CEP72: variants seen among roughly 807,000 people sequenced by gnomAD.
CEP72 encodes the protein centrosomal protein of 72 kDa.
In CEP72, 78 loss-of-function variants were observed where a neutral mutation model predicts 65.7. The ratio of observed to expected loss-of-function variants is 1.19; its 90% CI spans 0.99 to 1.43. CEP72 has a LOEUF of 1.43. Among genes scored for constraint, CEP72 ranks in the 40% most tolerant of loss-of-function variants. The probability of loss-of-function intolerance (pLI) is 0.00; values close to 1 mark genes in which losing one functional copy is unlikely to be tolerated. For missense variants in CEP72, 914 were observed against 832.9 expected (o/e 1.10, Z -1.20); for synonymous variants, 358 against 351.7 (o/e 1.02, Z -0.20).
rs373906217 is a variant in CEP72 at position 620,253 on chromosome 5, A to G, written c.395A>G (p.Gln132Arg). 1 of 1,613,184 alleles carries G rather than the reference A, an allele frequency of 6.2e-7. No individual in the cohort carries two copies. The highest frequency in any genetic ancestry group is 8.5e-7 in the Non-Finnish European group (1 of 1,179,160). ...LFVVHLLPKL[Q>R]QLDDRPVRAS... ...GTTGTGCACCTGCTCCCCAAGCTCC[A>G]GCAGCTGGGTAGGCATCAGGCAGGG... The change falls in exon 3 of 12, where the codon CAG becomes CGG. Residue 132 changes from glutamine (Q) to arginine (R), a missense_variant. Physicochemically the swap from Gln to Arg is conservative, Grantham distance 43. Transcript: ENST00000264935.
At chr5:665,171 G>C (rs138152607) in intron 2 of CEP72, 2 of 1,613,654 alleles carry the variant, frequency 1.2e-6, no homozygotes, top group Non-Finnish European at 1.7e-6. Flanking sequence ...AGCCTGACTC[G>C]TCCACCAGAT....
At chr5:638,488 G>A (rs1737772696) in intron 7 of CEP72, among the ~76,000 whole-genome samples, 1 of 152,002 alleles carries the variant, frequency 6.6e-6, no homozygotes. Context: ...AGGCAGAGGA[G>A]CTTGAAGGTG....
intron 1 of CEP72, among the ~76,000 whole-genome samples, chr5:618,193 A>G (rs975074332): frequency 9.2e-5 from 14 of 152,142 alleles, no homozygotes; most frequent in Admixed American, 5.9e-4. Flanking sequence ...GAGGCAGTAA[A>G]GGTGGGAAGA....
intron 9 of CEP72, chr5:643,040 T>C (rs1422038867): frequency 1.0e-6 from 1 of 985,418 alleles, no homozygotes; most frequent in Non-Finnish European, 1.2e-6. Flanking sequence ...CCTGCACCTG[T>C]CGTGGCCTAG....
At chr5:617,010 A>T (rs1218527655) in intron 1 of CEP72, among the ~76,000 whole-genome samples, 1 of 152,038 alleles carries the variant, frequency 6.6e-6, no homozygotes, top group African/African-American at 2.4e-5. Context: ...GTGTGGTTGC[A>T]GGAGGGCTGA....
intron 3 of CEP72, among the ~76,000 whole-genome samples, chr5:621,121 T>C (rs1184432777): frequency 1.3e-5 from 2 of 152,120 alleles, no homozygotes; most frequent in Non-Finnish European, 2.9e-5. Flanking sequence ...TGAGTTAATA[T>C]CTGTAAGCTC....
At position 633,845 on chromosome 5, in the gene CEP72, G is replaced by T. The variant is rs1478031706; in HGVS notation, c.589G>T (p.Val197Phe). Residue 197 changes from valine (V) to phenylalanine (F), a missense_variant, in exon 5 of 12, where the codon GTC becomes TTC. Coordinates refer to ENST00000264935, the MANE Select transcript of CEP72 (RefSeq NM_018140.4). ...SLVMDADDEA[V>F]LNLIAECEWD... ...GGTCATGGATGCGGATGACGAGGCA[G>T]TCCTGAACCTCATTGCAGAGTGCGA... 1 of 1,614,050 alleles carries T rather than the reference G, an allele frequency of 6.2e-7. No individual in the cohort carries two copies.
chr5:668,872 C>G (rs534865830), downstream of CEP72, among the ~76,000 whole-genome samples: 63 of 152,366 alleles, frequency 4.1e-4, no homozygotes, highest in African/African-American at 1.5e-3. Flanking sequence ...GATACGCACC[C>G]AACGCGGTGG....
chr5:628,627 GGGAGTGGCCCCAGGACCCAGCCCCC>G lies in CEP72; in HGVS notation c.512+4049_512+4073del, dbSNP rs1285863750. Among the ~76,000 whole-genome samples the G allele has an allele frequency of 7.4e-5, 9 of 121,718 alleles. 1 individual carries two copies. Among genetic ancestry groups the G allele is most frequent in the African/African-American group, 1.3e-4 (5 of 37,428 alleles). The allele number at this position is 121,718 out of a possible 152,430, so 79.9% of individuals were successfully genotyped here. A position where few individuals can be genotyped will look rare whatever the true frequency, so the allele number is the denominator to read the frequency against. The stretch of plus-strand genomic sequence containing the variant: ...TGGAGAACTCAGGTCGCAGTCCCCG[GGGAGTGGCCCCAGGACCCAGCCCCC>G]TTCTTTGTGCAGCTTCTGGAGAACT... On this transcript the variant is annotated intron_variant, in intron 4 of 11. Coordinates refer to ENST00000264935, the MANE Select transcript of CEP72 (RefSeq NM_018140.4).
chr5:614,344 C>A (rs1390542580), intron 1 of CEP72, among the ~76,000 whole-genome samples: 2 of 151,922 alleles, frequency 1.3e-5, no homozygotes, highest in Admixed American at 6.6e-5. Context: ...GTAAGCACTG[C>A]TTTAGCTGTA....
Position 640,453 on chromosome 5 carries a change from C to T in CEP72, c.1388C>T (p.Ala463Val), listed in dbSNP as rs1261370139. 1 of 1,614,138 alleles carries T rather than the reference C, an allele frequency of 6.2e-7. No homozygotes were observed. Among genetic ancestry groups the T allele is most frequent in the East Asian group, 2.2e-5 (1 of 44,902 alleles). Residue 463 changes from alanine (A) to valine (V), a missense_variant, in exon 9 of 12, where the codon GCT becomes GTT. Coordinates refer to ENST00000264935, the MANE Select transcript of CEP72 (RefSeq NM_018140.4). The stretch of plus-strand genomic sequence containing the variant: ...TCATCTGTTGAAGAATTCACAGCAG[C>T]TCAGGACAGCTCTGCGATGGTGGGT... ...ILSSVEEFTA[A>V]QDSSAMVGED...
chr5:656,757 AT>A (rs1739390008), downstream of CEP72, among the ~76,000 whole-genome samples: 1 of 151,422 alleles, frequency 6.6e-6, no homozygotes, highest in East Asian at 1.9e-4. Flanking sequence ...TTATGTTTTT[AT>A]TTTTGTTTTG....
chr5:665,948 C>A (rs1203744628), exon 4 of CEP72: 1 of 1,519,946 alleles, frequency 6.6e-7, no homozygotes, highest in Non-Finnish European at 8.8e-7. Flanking sequence ...CAGGCCCCGC[C>A]TTCCATCCCC....
the CEP72 span, among the ~76,000 whole-genome samples, chr5:672,560 A>G: frequency 1.3e-5 from 2 of 152,230 alleles, no homozygotes; most frequent in Non-Finnish European, 2.9e-5. Flanking sequence ...GCCAGTGAGC[A>G]AGGCTGGCAG....
At chr5:655,102 C>T (rs567797017), downstream of CEP72, among the ~76,000 whole-genome samples, 16 of 152,092 alleles carry the variant, frequency 1.1e-4, no homozygotes, top group South Asian at 1.7e-3. This position sits in a 1 kb window ranked among gnomAD's most constrained non-coding sequence, Gnocchi z 5.0. Flanking sequence ...TGGCTCACAC[C>T]GTAATCCCAG....
At chr5:644,275 T>G (rs758184287) in intron 9 of CEP72, 24 bp from the exon 10 acceptor site, 20 of 1,609,670 alleles carry the variant, frequency 1.2e-5, no homozygotes, top group Non-Finnish European at 1.7e-5. Flanking sequence ...CTTGTGCACT[T>G]AAGTGTATTT....
chr5:669,061 A>G (rs1001451369), downstream of CEP72, among the ~76,000 whole-genome samples: 1 of 152,238 alleles, frequency 6.6e-6, no homozygotes, highest in Non-Finnish European at 1.5e-5. Flanking sequence ...CGCGCTGAGA[A>G]ACACACCAAG....
intron 10 of CEP72, among the ~76,000 whole-genome samples, 165 bp downstream of exon 10, chr5:644,590 G>A (rs543425664): frequency 1.3e-5 from 2 of 152,304 alleles, no homozygotes; most frequent in East Asian, 3.9e-4. Flanking sequence ...AGGCTGCCTC[G>A]GCCGGAGTTT....
intron 11 of CEP72, 115 bp from the exon 12 acceptor site, chr5:652,873 G>A: frequency 8.5e-7 from 1 of 1,177,988 alleles, no homozygotes; most frequent in Non-Finnish European, 1.2e-6. Context: ...AGGTCTGTGT[G>A]CAGGGCCAGG....
Sources: gnomAD v4.1 joint callset for allele counts (sites outside exome capture counted in the v4.1 genomes callset) on GRCh38, gnomAD v4.1.1 for gene constraint, Gnocchi (gnomAD v3.1) non-coding constraint, MANE v1.5 for transcripts, NCBI Gene and HGNC (gene_info 2026-07-23, HGNC 2026-07-21) for gene names.